KCNMA1: variants seen among roughly 807,000 people sequenced by gnomAD.
KCNMA1 encodes the protein Calcium-activated potassium channel subunit alpha-1.
In KCNMA1, 29 loss-of-function variants were observed where a neutral mutation model predicts 140.0. The observed-to-expected ratio is 0.21, with a 90% confidence interval of 0.15 to 0.28. The LOEUF is 0.28. Among genes scored for constraint, KCNMA1 ranks in the 10% least tolerant of loss-of-function variants. KCNMA1 has a pLI of 1.00. For missense variants in KCNMA1, 880 were observed against 1,602.2 expected, an observed-to-expected ratio of 0.55 and a Z score of 7.70; for synonymous variants, 612 against 611.9, an observed-to-expected ratio of 1.00 and a Z score of 0.00.
rs117670301 is a variant in KCNMA1, at chr10:77,526,095, C to A, written c.378+111170G>T. ...CATGTCCAGATGTGATGTCCAGAAC[C>A]ACTGCAGCTATCTTGCGGCCATGAG... On this transcript the variant is annotated intron_variant, in intron 1 of 27. Coordinates refer to ENST00000286628, the MANE Select transcript of KCNMA1 (RefSeq NM_001161352.2). 2.2e-4 allele frequency among the ~76,000 whole-genome samples: 34 copies of A among 152,308 alleles called. No homozygotes were observed. In the East Asian group the frequency reaches 6.4e-3, roughly 29 times the overall value.
intron 7 of KCNMA1, 135 bp downstream of exon 7, chr10:77,112,232 T>C: frequency 1.4e-6 from 1 of 707,236 alleles, no homozygotes; most frequent in South Asian, 1.5e-5. Flanking sequence ...GACAATTGTG[T>C]GGTTGCTTCC....
At chr10:76,944,078 C>A (rs951963969) in intron 23 of KCNMA1, among the ~76,000 whole-genome samples, 2 of 152,136 alleles carry the variant, frequency 1.3e-5, no homozygotes, top group African/African-American at 4.8e-5. Flanking sequence ...CCTGCCAGAT[C>A]CTGATTACAG....
intron 27 of KCNMA1, chr10:76,888,115 GCT>G (rs1302779049): frequency 6.1e-6 from 1 of 163,078 alleles, no homozygotes; most frequent in Non-Finnish European, 1.4e-5. Flanking sequence ...AGAAAATCAC[GCT>G]GTTTCACTTA....
chr10:77,528,379 C>G (rs1321316293), intron 1 of KCNMA1, among the ~76,000 whole-genome samples: 4 of 152,140 alleles, frequency 2.6e-5, no homozygotes, highest in Admixed American at 2.6e-4. Flanking sequence ...GAGGCCGAGG[C>G]AGGCAGATCA....
chr10:77,216,760 G>A (rs1243905703), intron 3 of KCNMA1, among the ~76,000 whole-genome samples: 2 of 152,146 alleles, frequency 1.3e-5, no homozygotes, highest in Non-Finnish European at 2.9e-5. Context: ...TATCAAATGA[G>A]TATTATAAGC....
Position 77,213,782 on chromosome 10 carries a change from G to A in KCNMA1, c.603-28866C>T, listed in dbSNP as rs116660910. Among the ~76,000 whole-genome samples, 951 of 152,124 alleles carry A rather than the reference G, an allele frequency of 6.3e-3. 15 individuals are homozygous for A. The highest frequency in any genetic ancestry group is 0.022 in the African/African-American group (916 of 41,482). On this transcript the variant is annotated intron_variant, in intron 3 of 27. Transcript: ENST00000286628. ...ACTCCCATGATCTTGCTCTGGACCC[G>A]AAGAAAGCAGCAACTATAGTGTTTC...
intron 5 of KCNMA1, among the ~76,000 whole-genome samples, chr10:77,149,030 A>C (rs951930681): frequency 2.6e-5 from 4 of 152,204 alleles, no homozygotes; most frequent in African/African-American, 9.7e-5. Flanking sequence ...AGTTATATAG[A>C]AATCATTTCT....
chr10:77,244,234 C>T (rs886999492), intron 3 of KCNMA1, among the ~76,000 whole-genome samples: 8 of 152,268 alleles, frequency 5.3e-5, no homozygotes, highest in African/African-American at 1.9e-4. Flanking sequence ...ATCCTCATTC[C>T]TCAGGAAAGG....
At chr10:77,252,096 C>G (rs562404832) in intron 2 of KCNMA1, among the ~76,000 whole-genome samples, 84 of 152,332 alleles carry the variant, frequency 5.5e-4, no homozygotes, top group African/African-American at 2.0e-3. Context: ...ACACTCTTCA[C>G]TCAAAATTAA....
intron 14 of KCNMA1, among the ~76,000 whole-genome samples, chr10:77,066,424 G>GA (rs2095952006): frequency 6.6e-6 from 1 of 152,160 alleles, no homozygotes; most frequent in South Asian, 2.1e-4. Context: ...TTCAGCCATG[G>GA]GAAGGATGGC....
At chr10:77,324,923 A>G (rs1472203711) in intron 2 of KCNMA1, among the ~76,000 whole-genome samples, 1 of 142,214 alleles carries the variant, frequency 7.0e-6, no homozygotes, top group Non-Finnish European at 1.5e-5. Flanking sequence ...ACTTCTGGAC[A>G]CTCAGTATAG....
intron 1 of KCNMA1, among the ~76,000 whole-genome samples, chr10:77,484,168 G>T (rs1394233194): frequency 6.6e-6 from 1 of 152,224 alleles, no homozygotes; most frequent in African/African-American, 2.4e-5. Flanking sequence ...CAAAGTAGAA[G>T]CAGCCTCAGT....
At chr10:77,272,433 G>T (rs1009278215) in intron 2 of KCNMA1, among the ~76,000 whole-genome samples, 1 of 151,990 alleles carries the variant, frequency 6.6e-6, no homozygotes, top group African/African-American at 2.4e-5. Flanking sequence ...CTATTTTTGT[G>T]TATATGTCTT....
At chr10:77,210,177 C>A (rs1007532280) in intron 3 of KCNMA1, among the ~76,000 whole-genome samples, 2 of 152,136 alleles carry the variant, frequency 1.3e-5, no homozygotes, top group African/African-American at 4.8e-5. Flanking sequence ...AAAATACTGG[C>A]AAATCAAATC....
intron 2 of KCNMA1, among the ~76,000 whole-genome samples, chr10:77,324,940 ACTCTCTCTCT>A (rs3068755): frequency 0.044 from 4,150 of 93,332 alleles, 130 homozygotes; most frequent in East Asian, 0.11. Context: ...ATAGCTCTAG[ACTCTCTCTCT>A]CTCTCTCTCT....
intron 1 of KCNMA1, among the ~76,000 whole-genome samples, chr10:77,437,418 C>A (rs1224075554): frequency 2.6e-5 from 4 of 152,194 alleles, no homozygotes; most frequent in South Asian, 2.1e-4. Flanking sequence ...AAGATAGGAA[C>A]AGCTGCTGTG....
At chr10:76,987,024 A>G (rs1490528909) in intron 19 of KCNMA1, among the ~76,000 whole-genome samples, 1 of 151,802 alleles carries the variant, frequency 6.6e-6, no homozygotes, top group Non-Finnish European at 1.5e-5. Context: ...GGTATAAAGG[A>G]ACAAGAAGGA....
chr10:76,931,927 C>T (rs1366713432), intron 23 of KCNMA1, among the ~76,000 whole-genome samples: 2 of 152,142 alleles, frequency 1.3e-5, no homozygotes, highest in East Asian at 1.9e-4. Context: ...CTGCTAGGTA[C>T]AAGTGGATAA....
At chr10:77,370,224 A>G (rs1402213072) in intron 2 of KCNMA1, among the ~76,000 whole-genome samples, 2 of 152,234 alleles carry the variant, frequency 1.3e-5, no homozygotes, top group African/African-American at 4.8e-5. Context: ...AACTGCATCA[A>G]TAATATTTCT....
Sources: gnomAD v4.1 joint callset for allele counts (sites outside exome capture counted in the v4.1 genomes callset) on GRCh38, gnomAD v4.1.1 for gene constraint, MANE v1.5 for transcripts, NCBI Gene and HGNC (gene_info 2026-07-23, HGNC 2026-07-21) for gene names.